Variants in NOL10 observed in about 807,000 individuals in gnomAD.
The protein encoded by NOL10 is H_NH0074G24.1.
Under a neutral mutation model 103.5 loss-of-function variants are expected in NOL10, and 58 were observed. That is an observed-to-expected ratio of 0.56 (90% CI 0.45 to 0.70). The LOEUF (loss-of-function observed/expected upper bound fraction) is 0.70, where lower values mean the gene tolerates loss of function less well. NOL10 is among the 30% of genes least tolerant of loss of function. The probability of loss-of-function intolerance (pLI) is 0.00; values close to 1 mark genes in which losing one functional copy is unlikely to be tolerated. For synonymous variants in NOL10, 287 were observed against 282.5 expected (o/e 1.02, Z -0.16); for missense variants, 763 against 807.3 (o/e 0.95, Z 0.67).
chr2:10,673,599 A>G, intron 4 of NOL10, 42 bp from the exon 5 acceptor site: 3 of 1,358,462 alleles, frequency 2.2e-6, no homozygotes, highest in South Asian at 1.3e-5. Flanking sequence ...ATCAAACAAT[A>G]TTCTTAGTAA....
Position 10,649,788 on chromosome 2 carries a change from T to C in NOL10, c.973+4693A>G, listed in dbSNP as rs182799660. Among the ~76,000 whole-genome samples the C allele has an allele frequency of 1.4e-3, 212 of 152,298 alleles. 1 individual carries two copies. The highest frequency in any genetic ancestry group is 4.8e-3 in the African/African-American group (200 of 41,568). On this transcript the variant is annotated intron_variant, in intron 12 of 20. Transcript: ENST00000381685. ...AAACTACTCACCTCTGCCACAGTGC[T>C]GCAAAAGCCACATGGACAATGTATA...
rs139846739 is a variant in NOL10 at position 10,578,280 on chromosome 2, G to A, written c.1845-542C>T. Among the ~76,000 whole-genome samples the A allele has an allele frequency of 1.2e-4, 19 of 152,230 alleles. No individual in the cohort carries two copies. In the East Asian group the frequency reaches 3.5e-3, roughly 28 times the overall value. On this transcript the variant is annotated intron_variant, in intron 19 of 20. Transcript: ENST00000381685. ...TCAGTCTTAACTCCGTAGACTGCAA[G>A]CCATCATCCCACAGCATGAACAGCT...
intron 13 of NOL10, among the ~76,000 whole-genome samples, chr2:10,622,874 G>C (rs1223878431): frequency 1.3e-5 from 2 of 152,080 alleles, no homozygotes. Context: ...GACAATTCAA[G>C]ATGGCCAAAA....
At chr2:10,588,804 A>G (rs1405979897) in intron 19 of NOL10, among the ~76,000 whole-genome samples, 1 of 152,202 alleles carries the variant, frequency 6.6e-6, no homozygotes, top group Non-Finnish European at 1.5e-5. Context: ...AAGTTGTGAC[A>G]AATAAGTAAA....
intron 13 of NOL10, among the ~76,000 whole-genome samples, chr2:10,619,968 CA>C (rs1677042045): frequency 6.6e-6 from 1 of 152,204 alleles, no homozygotes; most frequent in South Asian, 2.1e-4. Context: ...CTAACTACAC[CA>C]AATGCTAAAC....
rs999212691 is a variant in NOL10 at position 10,610,691 on chromosome 2, C to T, written c.1027-3380G>A. On this transcript the variant is annotated intron_variant, in intron 13 of 20. Transcript: ENST00000381685. ...AATAAGGAGGGCTCAACCACAGGCA[C>T]GTCACACTCTCTGATGTAGCTACAT... Among the ~76,000 whole-genome samples, 8 of 152,210 alleles carry T rather than the reference C, an allele frequency of 5.3e-5. No individual in the cohort carries two copies. In the South Asian group the frequency reaches 6.2e-4, roughly 12 times the overall value.
chr2:10,590,525 A>G (rs1222251012), intron 17 of NOL10, among the ~76,000 whole-genome samples: 1 of 152,232 alleles, frequency 6.6e-6, no homozygotes, highest in Non-Finnish European at 1.5e-5. Context: ...GGGATGCAGG[A>G]AGCTGGTGAT....
chr2:10,577,027 C>T (rs996403507), intron 20 of NOL10, among the ~76,000 whole-genome samples: 9 of 151,772 alleles, frequency 5.9e-5, no homozygotes, highest in African/African-American at 2.2e-4. Flanking sequence ...ATCCAGTTAA[C>T]AGTAAATATT....
At chr2:10,638,792 CTTTTTTTTTT>C (rs575658225) in intron 13 of NOL10, among the ~76,000 whole-genome samples, 54 of 52,856 alleles carry the variant, frequency 1.0e-3, no homozygotes, top group African/African-American at 2.6e-3. Context: ...CGTGCCTGGC[CTTTTTTTTTT>C]TTTTTTTTTT....
intron 10 of NOL10, 63 bp downstream of exon 10, chr2:10,659,109 T>G (rs2148318215): frequency 9.3e-7 from 1 of 1,079,742 alleles, no homozygotes; most frequent in Non-Finnish European, 1.4e-6. Context: ...GTATTTCTCA[T>G]GACACATACA....
chr2:10,589,187 A>T lies in NOL10; in HGVS notation c.1700T>A (p.Leu567His). The T allele has an allele frequency of 6.2e-7, 1 of 1,613,936 alleles. No homozygotes were observed. The highest frequency in any genetic ancestry group is 1.6e-4 in the Middle Eastern group (1 of 6,062). The part of the protein sequence containing the change: ...WVEEVRKQRR[L>H]LQQEEKVKRQ... ...CTTCACTTTTTCCTCCTGCTGGAGG[A>T]GTCTGCGTTGCTTCCTGACCTCTTC... Residue 567 changes from leucine (L) to histidine (H), a missense_variant, in exon 19 of 21, where the codon CTC becomes CAC. Coordinates refer to ENST00000381685, the MANE Select transcript of NOL10 (RefSeq NM_024894.4).
intron 13 of NOL10, among the ~76,000 whole-genome samples, chr2:10,620,456 T>G (rs1677078883): frequency 6.6e-6 from 1 of 152,196 alleles, no homozygotes; most frequent in African/African-American, 2.4e-5. Context: ...ACCGATTATC[T>G]TGGGGAGGCG....
At chr2:10,679,665 G>A (rs1681589973) in intron 3 of NOL10, among the ~76,000 whole-genome samples, 1 of 150,896 alleles carries the variant, frequency 6.6e-6, no homozygotes, top group South Asian at 2.1e-4. Flanking sequence ...TCGCTCTGTT[G>A]CCCAGGGTGG....
intron 6 of NOL10, 26 bp downstream of exon 6, chr2:10,671,528 G>C: frequency 6.6e-7 from 1 of 1,523,344 alleles, no homozygotes; most frequent in Non-Finnish European, 8.8e-7. Context: ...GAGGTGAAAA[G>C]GAGAAAAAGG....
Position 10,608,071 on chromosome 2 carries a change from G to A in NOL10, c.1027-760C>T, listed in dbSNP as rs562622988. Among the ~76,000 whole-genome samples the A allele has an allele frequency of 2.6e-5, 4 of 152,206 alleles. No homozygotes were observed. In the South Asian group the frequency reaches 8.3e-4, roughly 32 times the overall value. ...ACAAAAAATGGTAAGTACTACGTGA[G>A]GTGATGCAAATGTTAATTAGCTCAA... On this transcript the variant is annotated intron_variant, in intron 13 of 20. Transcript: ENST00000381685.
chr2:10,661,752 C>T (rs1217651308), intron 9 of NOL10, among the ~76,000 whole-genome samples: 3 of 152,074 alleles, frequency 2.0e-5, no homozygotes, highest in Non-Finnish European at 4.4e-5. Flanking sequence ...ATAATGACAG[C>T]CTGCTTCCCC....
At chr2:10,647,598 A>G (rs527768497) in intron 12 of NOL10, among the ~76,000 whole-genome samples, 30 of 152,294 alleles carry the variant, frequency 2.0e-4, no homozygotes, top group Admixed American at 3.9e-4. Context: ...AACATATGGC[A>G]TCAGTCACCA....
At chr2:10,611,574 G>C (rs1490184833) in intron 13 of NOL10, among the ~76,000 whole-genome samples, 1 of 152,222 alleles carries the variant, frequency 6.6e-6, no homozygotes, top group Non-Finnish European at 1.5e-5. Context: ...CTGAGCCCAG[G>C]AGTTCAAGGT....
intron 3 of NOL10, among the ~76,000 whole-genome samples, chr2:10,677,430 A>G (rs1681389649): frequency 6.7e-6 from 1 of 148,880 alleles, no homozygotes; most frequent in South Asian, 2.1e-4. Context: ...TCGTTTAAAG[A>G]AAAAAAAAAG....
Sources: allele counts gnomAD v4.1 joint callset (sites outside exome capture counted in the v4.1 genomes callset), GRCh38; gene constraint gnomAD v4.1.1; transcripts MANE v1.5; gene names NCBI Gene and HGNC (gene_info 2026-07-23, HGNC 2026-07-21).